The following TFDP2 variants were observed in gnomAD, a reference collection of about 807,000 sequenced individuals.
The protein encoded by TFDP2 is transcription factor Dp-2 (E2F dimerization partner 2).
Under a neutral mutation model 59.3 loss-of-function variants are expected in TFDP2, and 17 were observed. That is an observed-to-expected ratio of 0.29 (90% confidence interval 0.20 to 0.43). The LOEUF is 0.43. Among genes scored for constraint, TFDP2 ranks in the 20% least tolerant of loss-of-function variants. The pLI is 1.00. For synonymous variants in TFDP2, 180 were observed against 194.7 expected, an observed-to-expected ratio of 0.92 and a Z score of 0.63; for missense variants, 391 against 528.8, an observed-to-expected ratio of 0.74 and a Z score of 2.56.
intron 11 of TFDP2, among the ~76,000 whole-genome samples, chr3:141,953,871 T>C (rs1004734009): frequency 2.0e-5 from 3 of 148,402 alleles, no homozygotes; most frequent in African/African-American, 7.5e-5. Flanking sequence ...ACTGTTTTAG[T>C]CTACAGAAAA....
At chr3:141,971,243 C>T (rs571341499) in intron 8 of TFDP2, among the ~76,000 whole-genome samples, 5 of 151,596 alleles carry the variant, frequency 3.3e-5, no homozygotes, top group South Asian at 4.2e-4. Context: ...AAAGTTATGG[C>T]CAGGCGCGGT....
intron 3 of TFDP2, among the ~76,000 whole-genome samples, chr3:142,034,949 G>A (rs760662746): frequency 6.6e-5 from 10 of 151,856 alleles, no homozygotes; most frequent in Admixed American, 2.0e-4. Context: ...CTCGTGATCC[G>A]CCTGCCTTGG....
chr3:142,149,258 C>T lies in TFDP2; in HGVS notation c.-168G>A. On this transcript the variant is annotated 5_prime_UTR_variant, in exon 1 of 13. Coordinates refer to ENST00000489671, the MANE Select transcript of TFDP2 (RefSeq NM_001178139.2). ...CCAGGAGCGCGTCTTCGGGCGCCGC[C>T]GCTTCTGTGGCGCCCGCGCTTAGGC... is the stretch of plus-strand genomic sequence containing the variant. 2.5e-6 allele frequency: 1 copy of T among 397,108 alleles called. No individual in the cohort carries two copies. Among genetic ancestry groups the T allele is most frequent in the Non-Finnish European group, 4.4e-6 (1 of 225,010 alleles). 24.6% of individuals were successfully genotyped at this position (397,108 alleles called of 1,614,324 possible).
At chr3:142,071,890 G>T in intron 3 of TFDP2, among the ~76,000 whole-genome samples, 1 of 152,128 alleles carries the variant, frequency 6.6e-6, no homozygotes, top group Non-Finnish European at 1.5e-5. Context: ...TTCAAATGAA[G>T]GTACCCAATA....
chr3:141,952,888 C>G, intron 12 of TFDP2, 23 bp downstream of exon 12: 1 of 1,609,724 alleles, frequency 6.2e-7, no homozygotes, highest in African/African-American at 1.3e-5. Context: ...GTTTGCCTTT[C>G]TAACCCTGAA....
At position 141,966,580 on chromosome 3, in the gene TFDP2, C is replaced by T. The variant is rs144806485; in HGVS notation, c.733-2617G>A. ...TATTTTGAACTGACTTATTTGTTGC[C>T]CTTTGATTGATTTCCTTTGGCCTTT... is the stretch of plus-strand genomic sequence containing the variant. On this transcript the variant is annotated intron_variant, in intron 9 of 12. Coordinates refer to ENST00000489671, the MANE Select transcript of TFDP2 (RefSeq NM_001178139.2). Among the ~76,000 whole-genome samples, 119 of 151,590 alleles carry T rather than the reference C, an allele frequency of 7.9e-4. 2 individuals are homozygous for T. Among genetic ancestry groups the T allele is most frequent in the African/African-American group, 2.7e-3 (113 of 41,132 alleles).
intron 11 of TFDP2, among the ~76,000 whole-genome samples, chr3:141,955,355 A>G (rs997918003): frequency 7.2e-5 from 11 of 152,222 alleles, no homozygotes; most frequent in Admixed American, 2.0e-4. Context: ...AAAACCACAG[A>G]GCCTGCCTAA....
intron 3 of TFDP2, among the ~76,000 whole-genome samples, chr3:142,011,644 ACAAC>A (rs1169451235): frequency 6.8e-6 from 1 of 147,284 alleles, no homozygotes. Flanking sequence ...AAAAAAAAAA[ACAAC>A]AAACTTTTTT....
intron 3 of TFDP2, among the ~76,000 whole-genome samples, chr3:142,048,492 C>G (rs1255413107): frequency 6.6e-6 from 1 of 151,554 alleles, no homozygotes; most frequent in Non-Finnish European, 1.5e-5. Context: ...CTAGTTTTGT[C>G]AGTAATATTT....
chr3:142,089,104 C>T (rs1170928902), intron 3 of TFDP2, among the ~76,000 whole-genome samples: 1 of 151,990 alleles, frequency 6.6e-6, no homozygotes, highest in East Asian at 1.9e-4. Context: ...GCTGGGATTA[C>T]AGGTGTGAGT....
intron 8 of TFDP2, among the ~76,000 whole-genome samples, chr3:141,973,628 A>AGC (rs1311874783): frequency 6.6e-6 from 1 of 151,828 alleles, no homozygotes; most frequent in African/African-American, 2.4e-5. Context: ...TGACTTCCAC[A>AGC]GCTATATTCA....
chr3:142,114,478 C>T (rs13322825), intron 1 of TFDP2, among the ~76,000 whole-genome samples: 66,528 of 151,834 alleles, frequency 0.44, 16,637 homozygotes, highest in East Asian at 0.72. Context: ...TGTTTGCATA[C>T]GCTCCTCATC....
At position 141,955,097 on chromosome 3, in the gene TFDP2, A is replaced by G. The variant is rs775847702; in HGVS notation, c.1052-2081T>C. On this transcript the variant is annotated intron_variant, in intron 11 of 12. Transcript: ENST00000489671. ...TTGTGCTGAATATTAATTAGTATAT[A>G]GAACTATAGAAACCTTCTGTCAGAA... Among the ~76,000 whole-genome samples the G allele has an allele frequency of 3.3e-5, 5 of 152,218 alleles. No individual in the cohort carries two copies. The South Asian group carries it at 1.0e-3, about 32-fold the overall frequency.
chr3:142,019,561 G>A (rs1007456910), intron 3 of TFDP2, among the ~76,000 whole-genome samples: 4 of 151,944 alleles, frequency 2.6e-5, no homozygotes, highest in Non-Finnish European at 5.9e-5. Context: ...TTTACTTATC[G>A]TATAGGTTTT....
At chr3:141,954,229 A>G (rs1936282042) in intron 11 of TFDP2, among the ~76,000 whole-genome samples, 1 of 152,244 alleles carries the variant, frequency 6.6e-6, no homozygotes, top group African/African-American at 2.4e-5. Context: ...TTCTATACAT[A>G]TACCACATTT....
At chr3:142,066,017 A>G (rs186113077) in intron 3 of TFDP2, among the ~76,000 whole-genome samples, 222 of 152,308 alleles carry the variant, frequency 1.5e-3, no homozygotes, top group Admixed American at 5.4e-3. Context: ...GTAATTTCTA[A>G]TACCAATTCT....
At chr3:142,027,788 T>C (rs538323031) in intron 3 of TFDP2, among the ~76,000 whole-genome samples, 1 of 152,164 alleles carries the variant, frequency 6.6e-6, no homozygotes, top group Non-Finnish European at 1.5e-5. Flanking sequence ...AGGGGTAAGA[T>C]TTTCTTCACA....
chr3:142,071,901 G>C (rs2060261059), intron 3 of TFDP2, among the ~76,000 whole-genome samples: 2 of 152,186 alleles, frequency 1.3e-5, no homozygotes, highest in Admixed American at 1.3e-4. Context: ...GTACCCAATA[G>C]GCTGTCGGAT....
At chr3:142,086,239 C>T (rs2060807842) in intron 3 of TFDP2, among the ~76,000 whole-genome samples, 1 of 152,174 alleles carries the variant, frequency 6.6e-6, no homozygotes, top group Non-Finnish European at 1.5e-5. Context: ...CAAAACACTG[C>T]CTCTGGTCAC....
Sources: allele counts gnomAD v4.1 joint callset (sites outside exome capture counted in the v4.1 genomes callset), GRCh38; gene constraint gnomAD v4.1.1; transcripts MANE v1.5; gene names NCBI Gene and HGNC (gene_info 2026-07-23, HGNC 2026-07-21).